TNKS: variants seen among roughly 807,000 people sequenced by gnomAD.
TNKS encodes tankyrase.
TNKS carries 72 observed loss-of-function variants against 135.8 expected under a neutral mutation model. The ratio of observed to expected loss-of-function variants is 0.53; its 90% CI spans 0.44 to 0.64. The LOEUF (loss-of-function observed/expected upper bound fraction) is 0.64. TNKS is among the 30% of genes least tolerant of loss of function. TNKS has a pLI of 0.00. For synonymous variants in TNKS, 849 were observed against 649.3 expected (o/e 1.31, Z -4.68); for missense variants, 1,769 against 1,674.0 (o/e 1.06, Z -0.99).
intron 2 of TNKS, among the ~76,000 whole-genome samples, chr8:9,586,722 CGTGTGT>C (rs5889287): frequency 0.012 from 1,683 of 143,282 alleles, 25 homozygotes; most frequent in African/African-American, 0.03. Context: ...ATATCTAAAA[CGTGTGT>C]GTGTGTGTGT....
At chr8:9,606,663 C>T (rs913266434) in intron 2 of TNKS, among the ~76,000 whole-genome samples, 3 of 152,104 alleles carry the variant, frequency 2.0e-5, no homozygotes, top group African/African-American at 7.2e-5. Flanking sequence ...CTAACTAACC[C>T]TAACACATCT....
intron 24 of TNKS, among the ~76,000 whole-genome samples, 194 bp downstream of exon 24, chr8:9,765,991 A>T (rs1194884780): frequency 2.0e-5 from 3 of 152,238 alleles, no homozygotes; most frequent in African/African-American, 7.2e-5. Flanking sequence ...TCCAGTGCAT[A>T]TACAGTGAAA....
rs1459546746 is a variant in TNKS, at chr8:9,706,945, C to T, written c.1404C>T (p.Gly468=). 1 of 1,613,542 alleles carries T rather than the reference C, an allele frequency of 6.2e-7. No homozygotes were observed. The highest frequency in any genetic ancestry group is 8.5e-7 in the Non-Finnish European group (1 of 1,179,780). The part of the protein sequence containing the change: ...GADPTLVNCH[G]KSAVDMAPTP... ...ATCCTACATTAGTCAACTGCCATGGCAAAAGTGCTGTGGATATGGCTCCAA... is the reference window on the plus strand; with the variant it reads ...ATCCTACATTAGTCAACTGCCATGGTAAAAGTGCTGTGGATATGGCTCCAA... Residue 468 remains glycine (G), a synonymous_variant, in exon 8 of 27, where the codon GGC becomes GGT. Coordinates refer to ENST00000310430, the MANE Select transcript of TNKS (RefSeq NM_003747.3).
intron 14 of TNKS, among the ~76,000 whole-genome samples, chr8:9,732,766 T>G (rs1214203374): frequency 6.6e-6 from 1 of 152,164 alleles, no homozygotes. Flanking sequence ...GTAGAACTTA[T>G]AGTTGACATC....
intron 3 of TNKS, among the ~76,000 whole-genome samples, chr8:9,664,258 T>G (rs1265795978): frequency 6.6e-6 from 1 of 152,146 alleles, no homozygotes; most frequent in Admixed American, 6.5e-5. Context: ...GGAGTCAGCA[T>G]GTGCAAAGAC....
intron 5 of TNKS, among the ~76,000 whole-genome samples, chr8:9,691,619 C>G (rs930484099): frequency 1.3e-5 from 2 of 152,152 alleles, no homozygotes; most frequent in African/African-American, 4.8e-5. Context: ...CACCCTGTTC[C>G]TTAGTTCCCT....
chr8:9,723,525 G>C (rs966963152), intron 12 of TNKS, among the ~76,000 whole-genome samples: 1 of 152,132 alleles, frequency 6.6e-6, no homozygotes, highest in Admixed American at 6.5e-5. Context: ...GGCAATATTT[G>C]TGTCAAAACT....
At chr8:9,663,016 G>T (rs1801800096) in intron 3 of TNKS, among the ~76,000 whole-genome samples, 2 of 152,162 alleles carry the variant, frequency 1.3e-5, no homozygotes, top group Admixed American at 6.5e-5. Context: ...ATAATCACAA[G>T]GATTCTTTAA....
intron 26 of TNKS, among the ~76,000 whole-genome samples, chr8:9,772,087 G>A (rs1003055108): frequency 4.1e-5 from 6 of 146,266 alleles, no homozygotes; most frequent in African/African-American, 1.3e-4. Context: ...GAGAGAGAAG[G>A]AGGGAGGGAG....
Position 9,752,552 on chromosome 8 carries a change from C to A in TNKS, c.3079C>A (p.Leu1027Ile). The A allele has an allele frequency of 6.2e-7, 1 of 1,611,612 alleles. No homozygotes were observed. Among genetic ancestry groups the A allele is most frequent in the Non-Finnish European group, 8.5e-7 (1 of 1,178,640 alleles). Residue 1027 changes from leucine to isoleucine, a missense_variant, in exon 20 of 27, where the codon CTT (leucine) becomes ATT (isoleucine). Leu to Ile is a conservative substitution (Grantham distance 5). Around this residue, in one of 5 missense-constraint regions of TNKS, gnomAD observed 722 missense variants for 688.9 expected, o/e 1.05. Coordinates refer to ENST00000310430, the MANE Select transcript of TNKS (RefSeq NM_003747.3). Reference protein sequence around the residue: ...TERKEGEVAGLDMNISQFLKS... With the variant: ...TERKEGEVAGIDMNISQFLKS... Reference sequence around the variant, plus strand: ...ATATGTTTCTGTTTTAGTTGCTGGTCTTGACATGAATATCAGCCAATTTCT... The same window carrying A: ...ATATGTTTCTGTTTTAGTTGCTGGTATTGACATGAATATCAGCCAATTTCT...
chr8:9,764,487 G>GTGT (rs1399359543), intron 22 of TNKS, among the ~76,000 whole-genome samples: 1 of 152,072 alleles, frequency 6.6e-6, no homozygotes, highest in Non-Finnish European at 1.5e-5. Flanking sequence ...TTTCCCCATT[G>GTGT]TGTTTACAGA....
intron 6 of TNKS, 83 bp downstream of exon 6, chr8:9,704,840 T>C (rs1803976991): frequency 9.6e-7 from 1 of 1,042,836 alleles, no homozygotes; most frequent in Non-Finnish European, 1.4e-6. Flanking sequence ...CAAAGTCATA[T>C]GTCCCATTTG....
At chr8:9,775,809 GTCT>G (rs1808199363) in intron 26 of TNKS, among the ~76,000 whole-genome samples, 1 of 151,942 alleles carries the variant, frequency 6.6e-6, no homozygotes, top group Non-Finnish European at 1.5e-5. Context: ...TCACCCAAGA[GTCT>G]TCTTTTAGTC....
intron 1 of TNKS, among the ~76,000 whole-genome samples, chr8:9,569,895 T>C (rs999687925): frequency 6.6e-6 from 1 of 152,206 alleles, no homozygotes; most frequent in Non-Finnish European, 1.5e-5. Flanking sequence ...TTGAAATCTA[T>C]TGCCTTAAAA....
At chr8:9,606,321 C>T (rs1799219381) in intron 2 of TNKS, among the ~76,000 whole-genome samples, 1 of 151,794 alleles carries the variant, frequency 6.6e-6, no homozygotes. Context: ...GGTTTACATA[C>T]CCAAGTCTGA....
intron 17 of TNKS, 119 bp downstream of exon 17, chr8:9,735,605 C>G: frequency 1.3e-6 from 1 of 751,106 alleles, no homozygotes. Flanking sequence ...TCGAGACAAT[C>G]CTGGCTAACA....
At chr8:9,580,917 A>G (rs184385489) in intron 2 of TNKS, among the ~76,000 whole-genome samples, 2 of 152,220 alleles carry the variant, frequency 1.3e-5, no homozygotes, top group Non-Finnish European at 2.9e-5. Flanking sequence ...AGGTATCTAG[A>G]TGAAACGAAG....
In TNKS at chr8:9,733,330, T is replaced by A. The variant is rs751367761; in HGVS notation, c.2199T>A (p.Ala733=). 1.9e-6 allele frequency: 3 copies of A among 1,607,028 alleles called. No individual in the cohort carries two copies. The highest frequency in any genetic ancestry group is 2.5e-6 in the Non-Finnish European group (3 of 1,178,048). Residue 733 remains alanine, a synonymous_variant, in exon 15 of 27, where the codon GCT becomes GCA. Coordinates refer to ENST00000310430, the MANE Select transcript of TNKS (RefSeq NM_003747.3). ...GTTCATATGGACACTATGAGGTGGC[T>A]GAGCTTTTAGTAAGGCATGGGGCTT... ...NACSYGHYEV[A]ELLVRHGASV... is the part of the protein sequence containing the mutation.
intron 3 of TNKS, among the ~76,000 whole-genome samples, chr8:9,618,793 T>G (rs1799749266): frequency 6.6e-6 from 1 of 152,208 alleles, no homozygotes; most frequent in Non-Finnish European, 1.5e-5. Flanking sequence ...TACTTAGAGA[T>G]AACATTTTGG....
Sources: allele counts gnomAD v4.1 joint callset (sites outside exome capture counted in the v4.1 genomes callset), GRCh38; gene constraint gnomAD v4.1.1; regional missense constraint gnomAD v4.1.1; transcripts MANE v1.5; gene names NCBI Gene and HGNC (gene_info 2026-07-23, HGNC 2026-07-21).